Variants in STON1 observed in about 807,000 individuals in gnomAD.
STON1 encodes stonin-1.
A neutral mutation model predicts 60.9 loss-of-function variants in STON1; 79 were observed. The observed-to-expected ratio is 1.30, with a 90% CI of 1.08 to 1.56. The LOEUF (loss-of-function observed/expected upper bound fraction) is 1.56, where lower values mean the gene tolerates loss of function less well. Among genes scored for constraint, STON1 ranks in the 40% most tolerant of loss-of-function variants. The probability of loss-of-function intolerance (pLI) is 0.00; values close to 1 mark genes in which losing one functional copy is unlikely to be tolerated. For missense variants in STON1, 1,166 were observed against 858.9 expected (o/e 1.36, Z -4.47); for synonymous variants, 363 against 306.9 (o/e 1.18, Z -1.91).
intron 1 of STON1, among the ~76,000 whole-genome samples, chr2:48,562,570 G>C (rs79886465): frequency 0.1 from 15,677 of 152,212 alleles, 1,201 homozygotes; most frequent in East Asian, 0.34. Context: ...GAGGCCAAAA[G>C]ATACGAAGCA....
chr2:48,563,314 C>T (rs1468350254), intron 1 of STON1, among the ~76,000 whole-genome samples: 2 of 152,148 alleles, frequency 1.3e-5, no homozygotes, highest in Admixed American at 6.6e-5. Flanking sequence ...GGGAAGAAAG[C>T]CCTCACATGT....
chr2:48,545,585 A>G (rs150058829), intron 1 of STON1, among the ~76,000 whole-genome samples: 1 of 152,278 alleles, frequency 6.6e-6, no homozygotes, highest in East Asian at 1.9e-4. Flanking sequence ...TCCTCACCAG[A>G]CAGGCGCTGG....
At chr2:48,588,649 T>A (rs1202520196) in intron 2 of STON1, among the ~76,000 whole-genome samples, 1 of 152,210 alleles carries the variant, frequency 6.6e-6, no homozygotes, top group Non-Finnish European at 1.5e-5. Flanking sequence ...CTACCGCACC[T>A]GGCAAGAACA....
rs1271255853 is a variant in STON1 at position 48,556,945 on chromosome 2, C to A, written c.-47-23642C>A. ...CCGGGCAGAGGCGCCCCTCACCTCC[C>A]GGACGGGGCGGCTGGCCGGGCGGGG... On this transcript the variant is annotated intron_variant, in intron 1 of 3. Coordinates refer to ENST00000404752, the MANE Select transcript of STON1 (RefSeq NM_006873.4). Among the ~76,000 whole-genome samples the A allele has an allele frequency of 2.0e-3, 43 of 21,072 alleles. 1 individual carries two copies. Among genetic ancestry groups the A allele is most frequent in the Middle Eastern group, 0.036 (1 of 28 alleles). The allele number at this position is 21,072 out of a possible 152,430, so 13.8% of individuals were successfully genotyped here.
chr2:48,545,908 G>A (rs1481945992), intron 1 of STON1, among the ~76,000 whole-genome samples: 2 of 152,234 alleles, frequency 1.3e-5, no homozygotes, highest in Admixed American at 1.3e-4. Flanking sequence ...GGGCCACCAA[G>A]TCACTGTGGA....
rs148255611 is a variant in STON1 at position 48,581,744 on chromosome 2, G to C, written c.1111G>C (p.Asp371His). 1,495 of 1,613,144 alleles carry C rather than the reference G, an allele frequency of 9.3e-4. No individual in the cohort carries two copies. Among genetic ancestry groups the C allele is most frequent in the Non-Finnish European group, 1.1e-3 (1,258 of 1,179,838 alleles). ...HSKTEVVHEP[D>H]IEQMLKLGST... ...TAAGACAGAAGTAGTTCATGAACCT[G>C]ACATAGAGCAGATGCTGAAGTTGGG... Residue 371 changes from aspartate to histidine, a missense_variant, in exon 2 of 4, where the codon GAC becomes CAC. Coordinates refer to ENST00000404752, the MANE Select transcript of STON1 (RefSeq NM_006873.4).
chr2:48,564,408 T>TTCTTCTTCTTCTTCCTCTTCC (rs1491471582), intron 1 of STON1, among the ~76,000 whole-genome samples: 1 of 21,808 alleles, frequency 4.6e-5, no homozygotes, highest in African/African-American at 1.6e-4. Flanking sequence ...TGGCGGTGTC[T>TTCTTCTTCTTCTTCCTCTTCC]TCTTCTTCTT....
intron 3 of STON1, among the ~76,000 whole-genome samples, chr2:48,592,672 G>A (rs1180435618): frequency 6.6e-6 from 1 of 151,226 alleles, no homozygotes; most frequent in Non-Finnish European, 1.5e-5. Context: ...TGTTGGCCAG[G>A]CTGGTCTCAA....
chr2:48,559,349 G>T (rs1010686311), intron 1 of STON1, among the ~76,000 whole-genome samples: 7 of 152,304 alleles, frequency 4.6e-5, no homozygotes, highest in African/African-American at 1.7e-4. Flanking sequence ...CAAGGCTCCA[G>T]TGGACTTGAT....
At chr2:48,583,664 G>A (rs1454320382) in intron 2 of STON1, among the ~76,000 whole-genome samples, 1 of 150,818 alleles carries the variant, frequency 6.6e-6, no homozygotes, top group Non-Finnish European at 1.5e-5. Flanking sequence ...CTGGTCTCTG[G>A]AGTTAAATTG....
chr2:48,581,997 T>G lies in STON1; in HGVS notation c.1364T>G (p.Phe455Cys), dbSNP rs1311716732. Reference sequence around the variant, plus strand: ...TTTGTGAATGGGAACCTGGAATGCTTTTTAACCTTGAATGACCTTGAGTTG... The same window carrying G: ...TTTGTGAATGGGAACCTGGAATGCTGTTTAACCTTGAATGACCTTGAGTTG... ...LCFVNGNLEC[F>C]LTLNDLELPK... The change falls in exon 2 of 4, where the codon TTT (phenylalanine) becomes TGT (cysteine). Residue 455 changes from phenylalanine (F) to cysteine (C), a missense_variant. Coordinates refer to ENST00000404752, the MANE Select transcript of STON1 (RefSeq NM_006873.4). 1 of 1,614,186 alleles carries G rather than the reference T, an allele frequency of 6.2e-7. No homozygotes were observed. Among genetic ancestry groups the G allele is most frequent in the Non-Finnish European group, 8.5e-7 (1 of 1,180,026 alleles).
At position 48,562,559 on chromosome 2, in the gene STON1, T is replaced by C. The variant is rs116406449; in HGVS notation, c.-47-18028T>C. Among the ~76,000 whole-genome samples, 790 of 152,324 alleles carry C rather than the reference T, an allele frequency of 5.2e-3. 8 individuals carry two copies. Among genetic ancestry groups the C allele is most frequent in the African/African-American group, 0.018 (744 of 41,572 alleles). On this transcript the variant is annotated intron_variant, in intron 1 of 3. Transcript: ENST00000404752. ...ATTTTCACTTTACAGAAAAGCAAAG[T>C]GAGGCCAAAAGATACGAAGCAACAC...
intron 1 of STON1, among the ~76,000 whole-genome samples, chr2:48,549,456 C>T (rs911602812): frequency 6.6e-6 from 1 of 152,086 alleles, no homozygotes; most frequent in Non-Finnish European, 1.5e-5. Context: ...TTGTTTCCAT[C>T]TGGTATCAAA....
intron 1 of STON1, among the ~76,000 whole-genome samples, chr2:48,547,098 G>C (rs975459872): frequency 1.3e-5 from 2 of 152,190 alleles, no homozygotes; most frequent in African/African-American, 4.8e-5. Flanking sequence ...TTTAACTACA[G>C]AAAGAATATG....
At chr2:48,591,963 G>A in intron 3 of STON1, 108 bp downstream of exon 3, 1 of 1,438,266 alleles carries the variant, frequency 7.0e-7, no homozygotes, top group Non-Finnish European at 9.3e-7. Context: ...TGTGTGGTGA[G>A]ATTTGCCCTA....
intron 1 of STON1, among the ~76,000 whole-genome samples, chr2:48,562,412 C>T (rs1453005931): frequency 6.6e-6 from 1 of 152,190 alleles, no homozygotes; most frequent in Non-Finnish European, 1.5e-5. Flanking sequence ...AGGCTTGTAG[C>T]AATGGCGAAT....
At chr2:48,557,720 G>C (rs1406281034) in intron 1 of STON1, among the ~76,000 whole-genome samples, 1 of 69,006 alleles carries the variant, frequency 1.4e-5, no homozygotes, top group African/African-American at 5.0e-5. Context: ...ATCACTCGCG[G>C]TTAGGGGCTA....
intron 1 of STON1, among the ~76,000 whole-genome samples, chr2:48,573,892 CATT>C (rs1476571355): frequency 6.6e-6 from 1 of 152,130 alleles, no homozygotes; most frequent in Non-Finnish European, 1.5e-5. Context: ...ACCTTGGAAA[CATT>C]ATGCTAGGTG....
At chr2:48,553,735 G>T (rs1672197090) in intron 1 of STON1, among the ~76,000 whole-genome samples, 1 of 152,136 alleles carries the variant, frequency 6.6e-6, no homozygotes, top group African/African-American at 2.4e-5. Flanking sequence ...TGATGCACCT[G>T]CCTCGGCCTT....
Sources: allele counts gnomAD v4.1 joint callset (sites outside exome capture counted in the v4.1 genomes callset), GRCh38; gene constraint gnomAD v4.1.1; transcripts MANE v1.5; gene names NCBI Gene and HGNC (gene_info 2026-07-23, HGNC 2026-07-21).